Variants in SHC4 observed in about 807,000 individuals in gnomAD.
SHC4 encodes SHC adaptor protein 4.
A neutral mutation model predicts 69.4 loss-of-function variants in SHC4; 41 were observed. That is an observed-to-expected ratio of 0.59 (90% CI 0.46 to 0.77). The LOEUF (loss-of-function observed/expected upper bound fraction) is 0.77, where lower values mean the gene tolerates loss of function less well. Among genes scored for constraint, SHC4 ranks in the 30% least tolerant of loss-of-function variants. The probability of loss-of-function intolerance (pLI) is 0.00; values close to 1 mark genes in which losing one functional copy is unlikely to be tolerated. For missense variants in SHC4, 777 were observed against 783.8 expected (o/e 0.99, Z 0.10); for synonymous variants, 318 against 299.3 (o/e 1.06, Z -0.64).
chr15:48,953,360 C>T (rs1901395642), intron 1 of SHC4, among the ~76,000 whole-genome samples: 1 of 152,010 alleles, frequency 6.6e-6, no homozygotes, highest in African/African-American at 2.4e-5. Flanking sequence ...GTACAACAAC[C>T]CCCCATGACA....
At chr15:48,897,534 GCA>G (rs1271064925) in intron 2 of SHC4, among the ~76,000 whole-genome samples, 5 of 88,220 alleles carry the variant, frequency 5.7e-5, no homozygotes. Context: ...ACACACACAC[GCA>G]CACACTTTTT....
chr15:48,889,164 T>C (rs750618814), intron 3 of SHC4, among the ~76,000 whole-genome samples: 10 of 152,220 alleles, frequency 6.6e-5, no homozygotes, highest in Non-Finnish European at 1.3e-4. Flanking sequence ...GCCTGGTAGC[T>C]GGAATCATCC....
intron 4 of SHC4, among the ~76,000 whole-genome samples, chr15:48,872,366 T>C (rs1899695162): frequency 6.6e-6 from 1 of 152,196 alleles, no homozygotes; most frequent in Non-Finnish European, 1.5e-5. Flanking sequence ...TGGAACATTA[T>C]CTAGGGCTAG....
At chr15:48,832,526 T>G (rs1898825414) in intron 11 of SHC4, among the ~76,000 whole-genome samples, 1 of 152,166 alleles carries the variant, frequency 6.6e-6, no homozygotes, top group Admixed American at 6.5e-5. Context: ...GGGTTCCTCA[T>G]AGTTGGAGTC....
Position 48,937,152 on chromosome 15 carries a change from T to C in SHC4, c.586-12203A>G, listed in dbSNP as rs925390192. ...CACAAATAGAGATGTATATTCTGTT[T>C]AGTCGCAAAAGTATTATATCATTTG... On this transcript the variant is annotated intron_variant, in intron 1 of 11. Transcript: ENST00000332408. Among the ~76,000 whole-genome samples the C allele has an allele frequency of 2.0e-5, 3 of 152,376 alleles. No individual in the cohort carries two copies. The East Asian group carries it at 5.8e-4, about 29-fold the overall frequency.
intron 2 of SHC4, among the ~76,000 whole-genome samples, chr15:48,908,489 A>G (rs896518390): frequency 2.0e-5 from 3 of 151,730 alleles, no homozygotes; most frequent in African/African-American, 4.8e-5. Context: ...ATTTTCTCCT[A>G]CTCTGTGGGT....
chr15:48,848,791 C>T (rs1338654485), intron 9 of SHC4, among the ~76,000 whole-genome samples: 2 of 151,984 alleles, frequency 1.3e-5, no homozygotes, highest in Admixed American at 1.3e-4. Flanking sequence ...CCATTAATTC[C>T]TTCATAAATT....
At chr15:48,956,616 C>G (rs1901457896) in intron 1 of SHC4, among the ~76,000 whole-genome samples, 1 of 152,144 alleles carries the variant, frequency 6.6e-6, no homozygotes, top group Non-Finnish European at 1.5e-5. Context: ...TCACCCCTCC[C>G]TGGAATTCTA....
chr15:48,877,738 T>C, intron 4 of SHC4: 1 of 233,322 alleles, frequency 4.3e-6, no homozygotes, highest in Non-Finnish European at 7.1e-6. Context: ...TATGCTGATC[T>C]GTGGTTATGG....
At chr15:48,918,564 C>T (rs1900675804) in intron 2 of SHC4, among the ~76,000 whole-genome samples, 1 of 132,944 alleles carries the variant, frequency 7.5e-6, no homozygotes, top group Non-Finnish European at 1.7e-5. Context: ...TGAATCGTTT[C>T]CATTTTTTCT....
chr15:48,878,752 TAAAAG>T, intron 4 of SHC4: 2 of 1,598,982 alleles, frequency 1.3e-6, no homozygotes, highest in Non-Finnish European at 8.6e-7. Flanking sequence ...TAGATGCTGT[TAAAAG>T]AGGAGGAAAC....
chr15:48,874,428 T>C (rs1462431335), intron 4 of SHC4, among the ~76,000 whole-genome samples: 2 of 152,160 alleles, frequency 1.3e-5, no homozygotes, highest in Non-Finnish European at 2.9e-5. Flanking sequence ...AGGTGAGCAG[T>C]GGATGAGCAA....
chr15:48,856,183 T>A, intron 7 of SHC4, 59 bp from the exon 8 acceptor site: 1 of 1,509,156 alleles, frequency 6.6e-7, no homozygotes, highest in Non-Finnish European at 9.0e-7. Context: ...CTGTAAGGGA[T>A]GCAAGGGGAT....
rs1416449344 is a variant in SHC4, at chr15:48,851,195, CCTG to C, written c.1293_1295del (p.Ser431del). ...GAAGGGCATTGTACCTACCTATTGC[CCTG>C]CTTTGTTCTAAACAGTTCTCATATA... On this transcript the variant is annotated inframe_deletion, in exon 9 of 12. Coordinates refer to ENST00000332408, the MANE Select transcript of SHC4 (RefSeq NM_203349.4). 3.1e-6 allele frequency: 5 copies of C among 1,613,860 alleles called. No homozygotes were observed. The African/African-American group carries it at 6.7e-5, about 22-fold the overall frequency.
chr15:48,841,999 C>T (rs1899001074), intron 10 of SHC4, among the ~76,000 whole-genome samples: 1 of 152,218 alleles, frequency 6.6e-6, no homozygotes, highest in Non-Finnish European at 1.5e-5. Flanking sequence ...GAGAAATCTC[C>T]TGGACTATTA....
chr15:48,914,131 G>C (rs1900570144), intron 2 of SHC4, among the ~76,000 whole-genome samples: 1 of 152,358 alleles, frequency 6.6e-6, no homozygotes, highest in African/African-American at 2.4e-5. Context: ...AAAGTATTGG[G>C]ATTACAGACA....
At chr15:48,860,936 G>C (rs1899428205) in intron 6 of SHC4, among the ~76,000 whole-genome samples, 1 of 152,176 alleles carries the variant, frequency 6.6e-6, no homozygotes, top group Non-Finnish European at 1.5e-5. Flanking sequence ...GAACAGGGCG[G>C]CATGTGGGTA....
At chr15:48,936,653 A>G (rs1901076547) in intron 1 of SHC4, among the ~76,000 whole-genome samples, 1 of 152,210 alleles carries the variant, frequency 6.6e-6, no homozygotes, top group African/African-American at 2.4e-5. Context: ...CTGTGAGTCA[A>G]TTAAACCTCT....
chr15:48,958,757 A>T (rs1901493300), intron 1 of SHC4, among the ~76,000 whole-genome samples: 1 of 152,188 alleles, frequency 6.6e-6, no homozygotes, highest in Admixed American at 6.5e-5. Flanking sequence ...ATGTCTGCTG[A>T]TGGATGAATG....
Sources: allele counts gnomAD v4.1 joint callset (sites outside exome capture counted in the v4.1 genomes callset), GRCh38; gene constraint gnomAD v4.1.1; transcripts MANE v1.5; gene names NCBI Gene and HGNC (gene_info 2026-07-23, HGNC 2026-07-21).